ZC3H12A: variants seen among roughly 807,000 people sequenced by gnomAD.
ZC3H12A encodes endoribonuclease ZC3H12A.
A neutral mutation model predicts 29.9 loss-of-function variants in ZC3H12A; 9 were observed. The observed-to-expected ratio is 0.30, with a 90% confidence interval of 0.18 to 0.53. The LOEUF (loss-of-function observed/expected upper bound fraction) is 0.53. Among genes scored for constraint, ZC3H12A ranks in the 20% least tolerant of loss-of-function variants. ZC3H12A has a pLI of 0.96. For synonymous variants in ZC3H12A, 323 were observed against 338.1 expected, an observed-to-expected ratio of 0.96 and a Z score of 0.49; for missense variants, 617 against 799.0, an observed-to-expected ratio of 0.77 and a Z score of 2.75.
intron 3 of ZC3H12A, among the ~76,000 whole-genome samples, chr1:37,480,806 G>T (rs768694262): frequency 6.7e-6 from 1 of 150,090 alleles, no homozygotes; most frequent in Non-Finnish European, 1.5e-5. Flanking sequence ...ACCCCTCTTA[G>T]CCCTGCTCTG....
At position 37,479,399 on chromosome 1, in the gene ZC3H12A, C is replaced by A; in HGVS notation, c.444-891C>A. The A allele has an allele frequency of 1.0e-6, 1 of 985,458 alleles. No homozygotes were observed. The highest frequency in any genetic ancestry group is 1.2e-6 in the Non-Finnish European group (1 of 829,940). 61.0% of individuals were successfully genotyped at this position (985,458 alleles called of 1,614,324 possible). On this transcript the variant is annotated intron_variant, in intron 2 of 5. Transcript: ENST00000373087. This position sits in a 1 kb window ranked among gnomAD's most constrained non-coding sequence, Gnocchi z 4.5. ...AGAGGAACGGAGAGCTGCGGCAGCC[C>A]AGGAGCCCTGCCAGGCTTCCTTCTG...
Position 37,478,772 on chromosome 1 carries a change from A to C in ZC3H12A, c.444-1518A>C, listed in dbSNP as rs148532246. ...TTGATGATGGTATAGTGCCCTCCTCACAAGCTTGCTGATGATTCAGTGTTA... is the reference window on the plus strand; with the variant it reads ...TTGATGATGGTATAGTGCCCTCCTCCCAAGCTTGCTGATGATTCAGTGTTA... On this transcript the variant is annotated intron_variant, in intron 2 of 5. Coordinates refer to ENST00000373087, the MANE Select transcript of ZC3H12A (RefSeq NM_025079.3). The surrounding 1 kb of genome is among the most constrained non-coding windows in gnomAD (Gnocchi z 5.2). 221 of 914,676 alleles carry C rather than the reference A, an allele frequency of 2.4e-4. 2 individuals are homozygous for C. The African/African-American group carries it at 3.7e-3, about 15-fold the overall frequency. 56.7% of individuals were successfully genotyped at this position (914,676 alleles called of 1,614,324 possible).
At chr1:37,481,534 G>C in intron 3 of ZC3H12A, 67 bp from the exon 4 acceptor site, 1 of 1,526,334 alleles carries the variant, frequency 6.6e-7, no homozygotes, top group Non-Finnish European at 9.0e-7. Context: ...CAGCAGGTTA[G>C]GGAGCCCTGT....
At position 37,479,309 on chromosome 1, in the gene ZC3H12A, G is replaced by A. The variant is rs1161616792; in HGVS notation, c.444-981G>A. Reference sequence around the variant, plus strand: ...GGCCATCTTTGGCCTGAAGCCACCAGGAAAGCTGTCCCACTGACTGACCCC... The same window carrying A: ...GGCCATCTTTGGCCTGAAGCCACCAAGAAAGCTGTCCCACTGACTGACCCC... On this transcript the variant is annotated intron_variant, in intron 2 of 5. Transcript: ENST00000373087. This position sits in a 1 kb window ranked among gnomAD's most constrained non-coding sequence, Gnocchi z 4.5. The A allele has an allele frequency of 2.0e-6, 2 of 985,280 alleles. No individual in the cohort carries two copies. Among genetic ancestry groups the A allele is most frequent in the Admixed American group, 1.2e-4 (2 of 16,250 alleles). The allele number at this position is 985,280 out of a possible 1,614,324, so 61.0% of individuals were successfully genotyped here. A position where few individuals can be genotyped will look rare whatever the true frequency, so the allele number is the denominator to read the frequency against.
At chr1:37,482,363 C>A in intron 4 of ZC3H12A, 71 bp from the exon 5 acceptor site, 1 of 1,338,984 alleles carries the variant, frequency 7.5e-7, no homozygotes, top group Non-Finnish European at 1.0e-6. Flanking sequence ...GGCTTGCCAT[C>A]GGCCCCTTCT....
chr1:37,475,480 T>C lies in ZC3H12A; in HGVS notation c.-17T>C, dbSNP rs773126219. On this transcript the variant is annotated 5_prime_UTR_variant, in exon 2 of 6. Transcript: ENST00000373087. The surrounding 1 kb of genome is among the most constrained non-coding windows in gnomAD (Gnocchi z 5.2). ...TCAGTAGGAGCTGTGGCGCGGGGCC[T>C]TCCAGGAGTCTGAGCTATGAGTGGC... is the stretch of plus-strand genomic sequence containing the variant. 1.9e-6 allele frequency: 3 copies of C among 1,586,374 alleles called. No homozygotes were observed. In the Admixed American group the frequency reaches 5.2e-5, roughly 27 times the overall value.
Position 37,475,583 on chromosome 1 carries a change from G to C in ZC3H12A, c.87G>C (p.Gln29His). 6.2e-7 allele frequency: 1 copy of C among 1,614,012 alleles called. No individual in the cohort carries two copies. Among genetic ancestry groups the C allele is most frequent in the Non-Finnish European group, 8.5e-7 (1 of 1,180,042 alleles). Residue 29 changes from glutamine (Q) to histidine (H), a missense_variant, in exon 2 of 6, where the codon CAG becomes CAC. Physicochemically the swap from Gln to His is conservative, Grantham distance 24. This residue lies in a region of ZC3H12A where 67 missense variants were observed against 56.2 expected (regional missense o/e 1.19). Transcript: ENST00000373087. This position sits in a 1 kb window ranked among gnomAD's most constrained non-coding sequence, Gnocchi z 5.2. ...LWEFEDSHSR[Q>H]GTPRPGQELA... The stretch of plus-strand genomic sequence containing the variant: ...AATTTGAGGACAGCCACAGCCGTCA[G>C]GGCACCCCAAGGCCGGGTCAAGAGC...
intron 2 of ZC3H12A, 48 bp from the exon 3 acceptor site, chr1:37,480,242 T>G: frequency 6.3e-7 from 1 of 1,585,478 alleles, no homozygotes. Context: ...GCCTAGGGGG[T>G]GGCAGGCTGG....
Position 37,479,105 on chromosome 1 carries a change from C to G in ZC3H12A, c.444-1185C>G. The G allele has an allele frequency of 1.0e-6, 1 of 985,372 alleles. No homozygotes were observed. The highest frequency in any genetic ancestry group is 1.2e-6 in the Non-Finnish European group (1 of 829,928). The allele number at this position is 985,372 out of a possible 1,614,324, so 61.0% of individuals were successfully genotyped here. A position where few individuals can be genotyped will look rare whatever the true frequency, so the allele number is the denominator to read the frequency against. ...GTTGGCCCTGGACTTGCCTCTTTTG[C>G]GTAACATTTATTCTGTTTTATTTGC... On this transcript the variant is annotated intron_variant, in intron 2 of 5. Transcript: ENST00000373087. This position sits in a 1 kb window ranked among gnomAD's most constrained non-coding sequence, Gnocchi z 4.5.
In ZC3H12A at chr1:37,483,551, G is replaced by A. The variant is rs1280876608; in HGVS notation, c.1740G>A (p.Leu580=). The change falls in exon 6 of 6, where the codon CTG becomes CTA. Residue 580 remains leucine (L), a synonymous_variant. Transcript: ENST00000373087. Reference sequence around the variant, plus strand: ...TGATGGGGCGCTTCCCACAGCTCCTGGACCCCCAGCAGCTGGCTGCCGAGA... The same window carrying A: ...TGATGGGGCGCTTCCCACAGCTCCTAGACCCCCAGCAGCTGGCTGCCGAGA... The part of the protein sequence containing the change: ...EAVMGRFPQL[L]DPQQLAAEIL... 5.6e-6 allele frequency: 9 copies of A among 1,613,378 alleles called. No homozygotes were observed. Among genetic ancestry groups the A allele is most frequent in the Non-Finnish European group, 6.8e-6 (8 of 1,179,892 alleles).
chr1:37,481,523 T>A, intron 3 of ZC3H12A, 78 bp from the exon 4 acceptor site: 1 of 1,426,142 alleles, frequency 7.0e-7, no homozygotes, highest in South Asian at 1.2e-5. Context: ...TGTGTGGCCA[T>A]CAGCAGGTTA....
rs1641651855 is a variant in ZC3H12A, at chr1:37,479,310, G to A, written c.444-980G>A. The A allele has an allele frequency of 1.0e-6, 1 of 985,230 alleles. No individual in the cohort carries two copies. The highest frequency in any genetic ancestry group is 1.7e-5 in the African/African-American group (1 of 57,200). The allele number at this position is 985,230 out of a possible 1,614,324, so 61.0% of individuals were successfully genotyped here. Reference sequence around the variant, plus strand: ...GCCATCTTTGGCCTGAAGCCACCAGGAAAGCTGTCCCACTGACTGACCCCT... The same window carrying A: ...GCCATCTTTGGCCTGAAGCCACCAGAAAAGCTGTCCCACTGACTGACCCCT... On this transcript the variant is annotated intron_variant, in intron 2 of 5. Transcript: ENST00000373087. This position sits in a 1 kb window ranked among gnomAD's most constrained non-coding sequence, Gnocchi z 4.5.
rs1031632532 is a variant in ZC3H12A, at chr1:37,476,030, G to T, written c.443+91G>T. 32 of 1,324,586 alleles carry T rather than the reference G, an allele frequency of 2.4e-5. No homozygotes were observed. Among genetic ancestry groups the T allele is most frequent in the Non-Finnish European group, 3.1e-5 (31 of 1,001,118 alleles). 82.1% of individuals were successfully genotyped at this position (1,324,586 alleles called of 1,614,324 possible). A position where few individuals can be genotyped will look rare whatever the true frequency, so the allele number is the denominator to read the frequency against. ...AAGGATGACTGTCTCTGCAGCTCTGGTGGGCTGGAAGAAGTGACTTCCTTC... is the reference window on the plus strand; with the variant it reads ...AAGGATGACTGTCTCTGCAGCTCTGTTGGGCTGGAAGAAGTGACTTCCTTC... On this transcript the variant is annotated intron_variant, in intron 2 of 5. Coordinates refer to ENST00000373087, the MANE Select transcript of ZC3H12A (RefSeq NM_025079.3). This position sits in a 1 kb window ranked among gnomAD's most constrained non-coding sequence, Gnocchi z 6.0.
intron 3 of ZC3H12A, 118 bp from the exon 4 acceptor site, chr1:37,481,482 GC>G (rs1641700367): frequency 2.2e-6 from 2 of 924,968 alleles, no homozygotes; most frequent in East Asian, 5.1e-5. Context: ...GTTAGTTCTT[GC>G]CCCGGTGACC....
At position 37,479,778 on chromosome 1, in the gene ZC3H12A, G is replaced by C; in HGVS notation, c.444-512G>C. 1 of 985,378 alleles carries C rather than the reference G, an allele frequency of 1.0e-6. No homozygotes were observed. Among genetic ancestry groups the C allele is most frequent in the Non-Finnish European group, 1.2e-6 (1 of 829,924 alleles). The allele number at this position is 985,378 out of a possible 1,614,324, so 61.0% of individuals were successfully genotyped here. A position where few individuals can be genotyped will look rare whatever the true frequency, so the allele number is the denominator to read the frequency against. ...TGGTTTCTCCTCGGTCAGCCCAGCC[G>C]GTGCTTCCCCCGCCCCCACCCACGC... On this transcript the variant is annotated intron_variant, in intron 2 of 5. Transcript: ENST00000373087. The surrounding 1 kb of genome is among the most constrained non-coding windows in gnomAD (Gnocchi z 4.5).
In ZC3H12A at chr1:37,475,391, GA is replaced by G; in HGVS notation, c.-38-67del. The G allele has an allele frequency of 1.6e-6, 2 of 1,229,012 alleles. No individual in the cohort carries two copies. The highest frequency in any genetic ancestry group is 2.3e-5 in the Admixed American group (1 of 44,142). 76.1% of individuals were successfully genotyped at this position (1,229,012 alleles called of 1,614,324 possible). ...GTGCCACCAATCCCTCATCCTGCTG[GA>G]TGTGGTTTTGGGAGGGAGGTTAGGA... On this transcript the variant is annotated intron_variant, in intron 1 of 5. Coordinates refer to ENST00000373087, the MANE Select transcript of ZC3H12A (RefSeq NM_025079.3). The surrounding 1 kb of genome is among the most constrained non-coding windows in gnomAD (Gnocchi z 5.2).
rs1333031660 is a variant in ZC3H12A, at chr1:37,483,072, C to T, written c.1261C>T (p.Leu421Phe). The T allele has an allele frequency of 2.5e-6, 4 of 1,609,844 alleles. No homozygotes were observed. The highest frequency in any genetic ancestry group is 1.7e-6 in the Non-Finnish European group (2 of 1,178,490). Residue 421 changes from leucine to phenylalanine, a missense_variant, in exon 6 of 6, where the codon CTC (leucine) becomes TTC (phenylalanine). Physicochemically the swap from Leu to Phe is conservative, Grantham distance 22 (BLOSUM62 0). Around this residue, in one of 5 missense-constraint regions of ZC3H12A, gnomAD observed 115 missense variants for 112.5 expected, o/e 1.02. Transcript: ENST00000373087. ...SGSSFGPTDW[L>F]PQTLDSLPYV... is the part of the protein sequence containing the mutation. ...CAGCAGCTTTGGGCCCACAGACTGG[C>T]TCCCACAGACGCTGGACTCACTCCC...
Position 37,479,985 on chromosome 1 carries a change from G to A in ZC3H12A, c.444-305G>A, listed in dbSNP as rs577586200. 2.9e-5 allele frequency: 33 copies of A among 1,119,542 alleles called. No homozygotes were observed. In the South Asian group the frequency reaches 8.8e-4, roughly 30 times the overall value. 69.4% of individuals were successfully genotyped at this position (1,119,542 alleles called of 1,614,324 possible). A position where few individuals can be genotyped will look rare whatever the true frequency, so the allele number is the denominator to read the frequency against. ...GGGGAGCAGTGCTGCCAGCTTCCTG[G>A]GCGCTTCCTCACTTTCAGGAGATGG... is the stretch of plus-strand genomic sequence containing the variant. On this transcript the variant is annotated intron_variant, in intron 2 of 5. Coordinates refer to ENST00000373087, the MANE Select transcript of ZC3H12A (RefSeq NM_025079.3). The surrounding 1 kb of genome is among the most constrained non-coding windows in gnomAD (Gnocchi z 4.5).
At chr1:37,480,032 G>T in intron 2 of ZC3H12A, 1 of 1,212,410 alleles carries the variant, frequency 8.2e-7, no homozygotes, top group Non-Finnish European at 1.0e-6. Context: ...AAGTCCCAGC[G>T]GGGCCTGGCC....
Sources: gnomAD v4.1 joint callset for allele counts (sites outside exome capture counted in the v4.1 genomes callset) on GRCh38, gnomAD v4.1.1 for gene constraint, gnomAD v4.1.1 regional missense constraint, Gnocchi (gnomAD v3.1) non-coding constraint, MANE v1.5 for transcripts, NCBI Gene and HGNC (gene_info 2026-07-23, HGNC 2026-07-21) for gene names.